BACE2: variants seen among roughly 807,000 people sequenced by gnomAD.
BACE2 encodes 56 kDa aspartic-like protease.
In BACE2, 17 loss-of-function variants were observed where a neutral mutation model predicts 46.2. The ratio of observed to expected loss-of-function variants is 0.37; its 90% CI spans 0.25 to 0.55. The LOEUF (loss-of-function observed/expected upper bound fraction) is 0.55. Among genes scored for constraint, BACE2 ranks in the 20% least tolerant of loss-of-function variants. The probability of loss-of-function intolerance (pLI) is 0.82; values close to 1 mark genes in which losing one functional copy is unlikely to be tolerated. For missense variants in BACE2, 595 were observed against 698.1 expected, an observed-to-expected ratio of 0.85 and a Z score of 1.66; for synonymous variants, 277 against 295.9, an observed-to-expected ratio of 0.94 and a Z score of 0.66.
intron 2 of BACE2, among the ~76,000 whole-genome samples, chr21:41,233,453 G>A (rs1987023962): frequency 6.6e-6 from 1 of 152,138 alleles, no homozygotes; most frequent in Admixed American, 6.5e-5. Flanking sequence ...TGCTGTCTCT[G>A]GAAATGACAC....
chr21:41,249,508 T>A (rs1426782340), intron 6 of BACE2, among the ~76,000 whole-genome samples: 4 of 152,214 alleles, frequency 2.6e-5, no homozygotes, highest in Non-Finnish European at 4.4e-5. Flanking sequence ...TCCTTCACAG[T>A]GGCACCCCTC....
chr21:41,226,441 A>C, intron 2 of BACE2, 87 bp downstream of exon 2: 1 of 1,230,662 alleles, frequency 8.1e-7, no homozygotes, highest in Non-Finnish European at 1.2e-6. Flanking sequence ...TGACAGCCAG[A>C]AAGCTGTTTC....
At chr21:41,249,391 T>C (rs57118521) in intron 6 of BACE2, among the ~76,000 whole-genome samples, 1,282 of 120,878 alleles carry the variant, frequency 0.011, 61 homozygotes, top group African/African-American at 0.037. Flanking sequence ...TACACTTGGC[T>C]TCAGGGGACT....
chr21:41,168,415 C>G lies in BACE2; in HGVS notation c.152C>G (p.Thr51Ser). Residue 51 changes from threonine to serine, a missense_variant, in exon 1 of 9, where the codon ACC becomes AGC. By Grantham distance (58) the Thr-to-Ser change is moderately conservative. This residue lies in a region of BACE2 where 248 missense variants were observed against 261.4 expected (regional missense o/e 0.95). Transcript: ENST00000330333. ...RVVAPTPGPG[T>S]PAERHADGLA... The stretch of plus-strand genomic sequence containing the variant: ...GTTGCGCCCACCCCGGGACCCGGGA[C>G]CCCTGCCGAGCGCCACGCCGACGGC... 1 of 1,409,640 alleles carries G rather than the reference C, an allele frequency of 7.1e-7. No individual in the cohort carries two copies. The highest frequency in any genetic ancestry group is 1.5e-5 in the African/African-American group (1 of 66,076). The allele number at this position is 1,409,640 out of a possible 1,614,324, so 87.3% of individuals were successfully genotyped here.
intron 2 of BACE2, among the ~76,000 whole-genome samples, chr21:41,233,388 C>T (rs1987021795): frequency 1.3e-5 from 2 of 152,130 alleles, no homozygotes; most frequent in African/African-American, 4.8e-5. Context: ...GGTCACACAG[C>T]TAATAAGGGA....
intron 8 of BACE2, among the ~76,000 whole-genome samples, chr21:41,268,493 G>A (rs1479127928): frequency 6.6e-6 from 1 of 152,204 alleles, no homozygotes; most frequent in African/African-American, 2.4e-5. Flanking sequence ...GTCTAATCTT[G>A]AGCAGCTAGT....
rs2088505080 is a variant in BACE2, at chr21:41,277,618, TAAGAG to T, written c.*1995_*1999del. On this transcript the variant is annotated 3_prime_UTR_variant, in exon 9 of 9. Coordinates refer to ENST00000330333, the MANE Select transcript of BACE2 (RefSeq NM_012105.5). ...CTGTGAAAAATTCAAAGCCCTGAAA[TAAGAG>T]GAGGGAATCGCAGACATGCCCTGAT... 1 of 152,188 alleles carries T rather than the reference TAAGAG, an allele frequency of 6.6e-6. No individual in the cohort carries two copies. Among genetic ancestry groups the T allele is most frequent in the Non-Finnish European group, 1.5e-5 (1 of 68,038 alleles). 9.4% of individuals were successfully genotyped at this position (152,188 alleles called of 1,614,324 possible).
intron 8 of BACE2, among the ~76,000 whole-genome samples, chr21:41,261,982 A>C (rs1987948222): frequency 6.6e-6 from 1 of 151,992 alleles, no homozygotes; most frequent in Admixed American, 6.6e-5. Flanking sequence ...CATGACTTTC[A>C]CCCCTAAATA....
chr21:41,173,914 T>C (rs1984697524), intron 1 of BACE2, among the ~76,000 whole-genome samples: 1 of 152,002 alleles, frequency 6.6e-6, no homozygotes, highest in South Asian at 2.1e-4. Flanking sequence ...AGCTTCAGTA[T>C]TTCATGTTTT....
At chr21:41,207,791 C>T (rs58032268) in intron 1 of BACE2, among the ~76,000 whole-genome samples, 6,387 of 152,276 alleles carry the variant, frequency 0.042, 430 homozygotes, top group African/African-American at 0.14. Context: ...CGGCTGCTCC[C>T]CTTTCAGTCC....
intron 2 of BACE2, among the ~76,000 whole-genome samples, chr21:41,232,612 G>A (rs536170536): frequency 2.0e-5 from 3 of 151,996 alleles, no homozygotes; most frequent in African/African-American, 7.3e-5. Flanking sequence ...GTTCACATGA[G>A]AGCTGGTTGT....
chr21:41,179,134 C>T (rs560450209), intron 1 of BACE2: 1 of 1,176,064 alleles, frequency 8.5e-7, no homozygotes, highest in South Asian at 1.5e-5. Flanking sequence ...GTGAGGGTGT[C>T]AGGGTGAGGA....
intron 1 of BACE2, among the ~76,000 whole-genome samples, chr21:41,207,467 G>A (rs775989092): frequency 1.3e-4 from 20 of 152,150 alleles, no homozygotes; most frequent in Non-Finnish European, 2.1e-4. Context: ...GTTTAAATAT[G>A]TCTTCATTCG....
At chr21:41,194,768 T>A (rs547972090) in intron 1 of BACE2, among the ~76,000 whole-genome samples, 158 of 152,134 alleles carry the variant, frequency 1.0e-3, no homozygotes, top group Non-Finnish European at 2.0e-3. Context: ...ATATTCTAAA[T>A]GTTTCACCCT....
Position 41,281,349 on chromosome 21 carries a change from G to A in BACE2, c.*5725G>A, listed in dbSNP as rs914746261. On this transcript the variant is annotated 3_prime_UTR_variant, in exon 9 of 9. Transcript: ENST00000330333. ...GTCACTTTCGTGGTATCAATAAAAGGCTAGAAACCTTGGGTGTCCTTGGCA... is the reference window on the plus strand; with the variant it reads ...GTCACTTTCGTGGTATCAATAAAAGACTAGAAACCTTGGGTGTCCTTGGCA... The A allele has an allele frequency of 2.6e-5, 4 of 152,190 alleles. No individual in the cohort carries two copies. The highest frequency in any genetic ancestry group is 7.2e-5 in the African/African-American group (3 of 41,456). 9.4% of individuals were successfully genotyped at this position (152,190 alleles called of 1,614,324 possible).
intron 2 of BACE2, among the ~76,000 whole-genome samples, chr21:41,235,245 T>G (rs541089438): frequency 6.6e-6 from 1 of 152,346 alleles, no homozygotes; most frequent in African/African-American, 2.4e-5. Context: ...TGACGTATTT[T>G]TCTTTTAACT....
At chr21:41,198,710 T>G (rs976885459) in intron 1 of BACE2, among the ~76,000 whole-genome samples, 10 of 152,150 alleles carry the variant, frequency 6.6e-5, no homozygotes, top group Admixed American at 2.0e-4. Flanking sequence ...ACTGCCCTTT[T>G]TTTTGTTTTG....
At chr21:41,210,106 C>A (rs891113854) in intron 1 of BACE2, among the ~76,000 whole-genome samples, 1 of 151,926 alleles carries the variant, frequency 6.6e-6, no homozygotes, top group Admixed American at 6.6e-5. Context: ...TTTGAGTGAT[C>A]TCTTAGGTTC....
At chr21:41,188,157 C>T (rs1238411570) in intron 1 of BACE2, among the ~76,000 whole-genome samples, 1 of 152,120 alleles carries the variant, frequency 6.6e-6, no homozygotes, top group Admixed American at 6.5e-5. Flanking sequence ...TCAGAATGGT[C>T]GGGCTGCAGG....
Sources: gnomAD v4.1 joint callset for allele counts (sites outside exome capture counted in the v4.1 genomes callset) on GRCh38, gnomAD v4.1.1 for gene constraint, gnomAD v4.1.1 regional missense constraint, MANE v1.5 for transcripts, NCBI Gene and HGNC (gene_info 2026-07-23, HGNC 2026-07-21) for gene names.